SMAD3: variants seen among roughly 807,000 people sequenced by gnomAD.
The protein encoded by SMAD3 is SMAD family member 3, also known as MAD homolog 3.
SMAD3 carries 12 observed loss-of-function variants against 51.8 expected under a neutral mutation model. That is an observed-to-expected ratio of 0.23 (90% confidence interval 0.15 to 0.38). SMAD3 has a LOEUF of 0.38. Ranked by LOEUF, SMAD3 falls within the 10% of genes least tolerant of loss-of-function variation. The probability of loss-of-function intolerance (pLI) is 1.00; values close to 1 mark genes in which losing one functional copy is unlikely to be tolerated. For synonymous variants in SMAD3, 238 were observed against 227.7 expected (o/e 1.05, Z -0.41); for missense variants, 294 against 565.6 (o/e 0.52, Z 4.87).
At chr15:67,155,099 GA>G (rs1962247086) in intron 1 of SMAD3, among the ~76,000 whole-genome samples, 1 of 152,192 alleles carries the variant, frequency 6.6e-6, no homozygotes, top group African/African-American at 2.4e-5. Flanking sequence ...AAAATGAAGG[GA>G]TTGGACCAGA....
At position 67,066,419 on chromosome 15, in the gene SMAD3, G is replaced by A; in HGVS notation, c.206+59G>A. On this transcript the variant is annotated intron_variant, in intron 1 of 8. Transcript: ENST00000327367. The stretch of plus-strand genomic sequence containing the variant: ...GCCGGCCCAGCCCCCTGGCACTGCG[G>A]GGCCGACCCAGTGGGGCTGGAGATG... The A allele has an allele frequency of 6.3e-6, 9 of 1,422,102 alleles. No homozygotes were observed. In the South Asian group the frequency reaches 9.5e-5, roughly 15 times the overall value. 88.1% of individuals were successfully genotyped at this position (1,422,102 alleles called of 1,614,324 possible).
chr15:67,147,421 C>A (rs895775432), intron 1 of SMAD3, among the ~76,000 whole-genome samples: 3 of 152,010 alleles, frequency 2.0e-5, no homozygotes, highest in African/African-American at 4.8e-5. Context: ...CTATTTGGGG[C>A]CATAGTTTTG....
chr15:67,074,532 A>G (rs1303223991), intron 1 of SMAD3, among the ~76,000 whole-genome samples: 1 of 152,274 alleles, frequency 6.6e-6, no homozygotes, highest in East Asian at 1.9e-4. Flanking sequence ...AACCCCAACT[A>G]GGAAATGAAA....
intron 1 of SMAD3, among the ~76,000 whole-genome samples, chr15:67,133,125 C>T (rs1961566092): frequency 6.6e-6 from 1 of 152,224 alleles, no homozygotes; most frequent in African/African-American, 2.4e-5. Context: ...GCCCAAGCAG[C>T]AGAGACCATG....
intron 1 of SMAD3, among the ~76,000 whole-genome samples, chr15:67,070,920 G>T (rs1960038971): frequency 6.6e-6 from 1 of 152,120 alleles, no homozygotes; most frequent in African/African-American, 2.4e-5. Context: ...GTGAACCAGA[G>T]AATTTGACAG....
chr15:67,189,753 G>A (rs1016627797), intron 8 of SMAD3, among the ~76,000 whole-genome samples: 6 of 152,272 alleles, frequency 3.9e-5, no homozygotes, highest in East Asian at 3.9e-4. Context: ...TGCAAGCTGC[G>A]TCATCAACCA....
rs905179239 is a variant in SMAD3 at position 67,194,403 on chromosome 15, C to T, written c.*3867C>T. On this transcript the variant is annotated 3_prime_UTR_variant, in exon 9 of 9. Transcript: ENST00000327367. Reference sequence around the variant, plus strand: ...GAGGTGATGGTGGGGAGATGATGGGCTAAACAGGCAACTTTTCAAAAACAC... The same window carrying T: ...GAGGTGATGGTGGGGAGATGATGGGTTAAACAGGCAACTTTTCAAAAACAC... The T allele has an allele frequency of 1.7e-5, 4 of 233,096 alleles. No homozygotes were observed. The highest frequency in any genetic ancestry group is 8.8e-5 in the African/African-American group (4 of 45,292). 14.4% of individuals were successfully genotyped at this position (233,096 alleles called of 1,614,324 possible).
rs1373154782 is a variant in SMAD3, at chr15:67,142,934, A to G, written c.207-21961A>G. The G allele has an allele frequency of 9.9e-6, 4 of 403,436 alleles. No individual in the cohort carries two copies. The Admixed American group carries it at 1.1e-4, about 11-fold the overall frequency. 25.0% of individuals were successfully genotyped at this position (403,436 alleles called of 1,614,324 possible). A position where few individuals can be genotyped will look rare whatever the true frequency, so the allele number is the denominator to read the frequency against. ...CGTCGGCTCACTCCTGGGTTGGAAC[A>G]TCCTCCTCATTTTCTCTGGCATGTC... On this transcript the variant is annotated intron_variant, in intron 1 of 8. Transcript: ENST00000327367.
intron 1 of SMAD3, among the ~76,000 whole-genome samples, chr15:67,162,176 TTTGG>T (rs977686299): frequency 1.3e-5 from 2 of 152,114 alleles, no homozygotes; most frequent in African/African-American, 4.8e-5. Context: ...TGTTTCTCTC[TTTGG>T]TTGGTGCTGT....
intron 1 of SMAD3, among the ~76,000 whole-genome samples, chr15:67,098,351 AGAGC>A (rs1555407142): frequency 1.6e-5 from 2 of 121,620 alleles, no homozygotes; most frequent in East Asian, 3.0e-4. Context: ...AGGGAGGGAG[AGAGC>A]GAGCGAGCAA....
chr15:67,169,986 G>A (rs1962701236), intron 4 of SMAD3, among the ~76,000 whole-genome samples: 1 of 152,180 alleles, frequency 6.6e-6, no homozygotes, highest in Non-Finnish European at 1.5e-5. Context: ...TTGCTGAGTT[G>A]CAGGGTTTCT....
intron 1 of SMAD3, among the ~76,000 whole-genome samples, chr15:67,121,535 C>T (rs1488985536): frequency 6.6e-6 from 1 of 152,158 alleles, no homozygotes; most frequent in Non-Finnish European, 1.5e-5. Context: ...AGAGCTTGCT[C>T]TTGGGGCAGT....
chr15:67,162,437 T>A (rs1962454353), intron 1 of SMAD3, among the ~76,000 whole-genome samples: 2 of 152,116 alleles, frequency 1.3e-5, no homozygotes, highest in Non-Finnish European at 2.9e-5. Flanking sequence ...TCTCATCTGC[T>A]CCCCACTTCT....
chr15:67,107,510 G>A (rs1392424604), intron 1 of SMAD3, among the ~76,000 whole-genome samples: 1 of 152,202 alleles, frequency 6.6e-6, no homozygotes, highest in Non-Finnish European at 1.5e-5. Context: ...GTCACCTGCA[G>A]GCAGAGACAG....
Position 67,190,669 on chromosome 15 carries a change from C to A in SMAD3, c.*133C>A. On this transcript the variant is annotated 3_prime_UTR_variant, in exon 9 of 9. Coordinates refer to ENST00000327367, the MANE Select transcript of SMAD3 (RefSeq NM_005902.4). The stretch of plus-strand genomic sequence containing the variant: ...TTTCTCCCTCAACTGAAGGGGTGCA[C>A]CCACCTGTTTTCTGAAACACACGAG... 3 of 930,918 alleles carry A rather than the reference C, an allele frequency of 3.2e-6. No individual in the cohort carries two copies. Among genetic ancestry groups the A allele is most frequent in the East Asian group, 2.6e-5 (1 of 38,244 alleles). 57.7% of individuals were successfully genotyped at this position (930,918 alleles called of 1,614,324 possible). A position where few individuals can be genotyped will look rare whatever the true frequency, so the allele number is the denominator to read the frequency against.
intron 8 of SMAD3, among the ~76,000 whole-genome samples, chr15:67,190,179 CT>C (rs1203870391): frequency 6.6e-6 from 1 of 152,148 alleles, no homozygotes; most frequent in African/African-American, 2.4e-5. Context: ...ATGTTTAACT[CT>C]TTAAAGTCGA....
intron 1 of SMAD3, among the ~76,000 whole-genome samples, chr15:67,156,139 G>A (rs1962277589): frequency 6.6e-6 from 1 of 152,196 alleles, no homozygotes; most frequent in African/African-American, 2.4e-5. Context: ...GGGAACATGT[G>A]TGTATGTACC....
At chr15:67,119,270 C>T (rs1961204677) in intron 1 of SMAD3, among the ~76,000 whole-genome samples, 1 of 152,166 alleles carries the variant, frequency 6.6e-6, no homozygotes, top group Non-Finnish European at 1.5e-5. Flanking sequence ...AATGGTAAGG[C>T]CTGAAAACCA....
chr15:67,173,412 C>T (rs578170983), intron 5 of SMAD3, among the ~76,000 whole-genome samples: 2 of 151,948 alleles, frequency 1.3e-5, no homozygotes, highest in Non-Finnish European at 2.9e-5. Context: ...CATGTGTGAG[C>T]GGGCCCTTGA....
Sources: gnomAD v4.1 joint callset for allele counts (sites outside exome capture counted in the v4.1 genomes callset) on GRCh38, gnomAD v4.1.1 for gene constraint, MANE v1.5 for transcripts, NCBI Gene and HGNC (gene_info 2026-07-23, HGNC 2026-07-21) for gene names.